SAP30BP: variants seen among roughly 807,000 people sequenced by gnomAD.
The protein encoded by SAP30BP is SAP30-binding protein.
SAP30BP carries 31 observed loss-of-function variants against 46.3 expected under a neutral mutation model. That is an observed-to-expected ratio of 0.67 (90% CI 0.50 to 0.90). The LOEUF (loss-of-function observed/expected upper bound fraction) is 0.90. SAP30BP is among the 40% of genes least tolerant of loss of function. The pLI, the probability that SAP30BP is intolerant of heterozygous loss-of-function variation, is 0.00. For synonymous variants in SAP30BP, 169 were observed against 144.2 expected (o/e 1.17, Z -1.23); for missense variants, 312 against 391.0 (o/e 0.80, Z 1.70).
At chr17:75,698,989 C>G (rs1263473402) in intron 4 of SAP30BP, among the ~76,000 whole-genome samples, 1 of 152,112 alleles carries the variant, frequency 6.6e-6, no homozygotes, top group South Asian at 2.1e-4. Flanking sequence ...TCCAACAGTT[C>G]AAGACCAGCC....
In SAP30BP at chr17:75,704,560, A is replaced by C. The variant is rs1305585979; in HGVS notation, c.602-196A>C. 2.6e-5 allele frequency among the ~76,000 whole-genome samples: 4 copies of C among 152,314 alleles called. No homozygotes were observed. In the East Asian group the frequency reaches 7.7e-4, roughly 29 times the overall value. Reference sequence around the variant, plus strand: ...TGACCCTTCCGGGCACACACAGGGCATGCAGCCCGCCAGTCTGGAGCTGAA... The same window carrying C: ...TGACCCTTCCGGGCACACACAGGGCCTGCAGCCCGCCAGTCTGGAGCTGAA... On this transcript the variant is annotated intron_variant, in intron 8 of 10. Transcript: ENST00000584667.
chr17:75,682,548 CAT>C (rs1434994803), intron 3 of SAP30BP, among the ~76,000 whole-genome samples: 4 of 152,128 alleles, frequency 2.6e-5, no homozygotes, highest in Admixed American at 1.3e-4. Flanking sequence ...CCTATAATAA[CAT>C]ATGTTTTGCA....
intron 4 of SAP30BP, among the ~76,000 whole-genome samples, chr17:75,697,499 G>C (rs1192672498): frequency 6.6e-6 from 1 of 152,212 alleles, no homozygotes; most frequent in East Asian, 1.9e-4. Context: ...GCAAAGAGAA[G>C]CACCTCGTCT....
At chr17:75,675,562 A>G (rs565163004) in intron 3 of SAP30BP, among the ~76,000 whole-genome samples, 7 of 152,258 alleles carry the variant, frequency 4.6e-5, no homozygotes, top group South Asian at 4.1e-4. Flanking sequence ...GGTTTTATCT[A>G]TTGATGTTTA....
chr17:75,697,760 T>G (rs2060344904), intron 4 of SAP30BP, among the ~76,000 whole-genome samples: 2 of 152,244 alleles, frequency 1.3e-5, no homozygotes, highest in African/African-American at 4.8e-5. Flanking sequence ...GCAGCTGGAC[T>G]GGCAGAGTCT....
At chr17:75,691,655 G>T (rs553433448) in intron 3 of SAP30BP, 1 of 368,246 alleles carries the variant, frequency 2.7e-6, no homozygotes, top group Non-Finnish European at 5.3e-6. Flanking sequence ...CATGAGAAGG[G>T]GTGGGTGTGG....
At chr17:75,679,595 T>C (rs1297450537) in intron 3 of SAP30BP, 2 of 152,164 alleles carry the variant, frequency 1.3e-5, no homozygotes, top group Non-Finnish European at 2.9e-5. Flanking sequence ...CTTGGTCCTG[T>C]CCTTTAGGTT....
intron 8 of SAP30BP, among the ~76,000 whole-genome samples, chr17:75,704,461 T>C (rs974789768): frequency 6.6e-6 from 1 of 152,216 alleles, no homozygotes; most frequent in East Asian, 1.9e-4. Context: ...CCAGCTTCTC[T>C]CCATCAGTAG....
intron 4 of SAP30BP, among the ~76,000 whole-genome samples, chr17:75,693,844 A>G (rs891992396): frequency 3.3e-5 from 5 of 152,084 alleles, no homozygotes; most frequent in Non-Finnish European, 5.9e-5. Flanking sequence ...TGGCATATGC[A>G]TGCTGCTCAG....
chr17:75,699,394 G>T (rs1324637105), intron 4 of SAP30BP, among the ~76,000 whole-genome samples: 2 of 151,820 alleles, frequency 1.3e-5, no homozygotes, highest in Non-Finnish European at 2.9e-5. Flanking sequence ...GTTTCGCCAT[G>T]TTGGCCAAGC....
intron 3 of SAP30BP, among the ~76,000 whole-genome samples, chr17:75,682,545 TAAC>T (rs1392007823): frequency 6.6e-6 from 1 of 152,202 alleles, no homozygotes; most frequent in African/African-American, 2.4e-5. Flanking sequence ...TTGCCTATAA[TAAC>T]ATATGTTTTG....
chr17:75,682,511 G>C (rs2060092539), intron 3 of SAP30BP, among the ~76,000 whole-genome samples: 1 of 152,018 alleles, frequency 6.6e-6, no homozygotes, highest in African/African-American at 2.4e-5. Flanking sequence ...GCCTCATACA[G>C]CCATTTTTAT....
intron 3 of SAP30BP, among the ~76,000 whole-genome samples, chr17:75,688,133 C>T (rs1043352232): frequency 1.3e-5 from 2 of 152,084 alleles, no homozygotes; most frequent in Admixed American, 1.3e-4. Context: ...GCTTTCTAGG[C>T]AGGAGTGGGG....
At position 75,704,608 on chromosome 17, in the gene SAP30BP, AG is replaced by A. The variant is rs1203032203; in HGVS notation, c.602-145del. 11 of 688,510 alleles carry A rather than the reference AG, an allele frequency of 1.6e-5. No individual in the cohort carries two copies. In the Admixed American group the frequency reaches 2.3e-4, roughly 14 times the overall value. 42.7% of individuals were successfully genotyped at this position (688,510 alleles called of 1,614,324 possible). On this transcript the variant is annotated intron_variant, in intron 8 of 10. Transcript: ENST00000584667. ...GAAGGCCCCTGCCCTATGCCGACCA[AG>A]GGCTGGCTTCATTTTGCCAAGCACA...
At chr17:75,669,673 G>C (rs559724763) in intron 2 of SAP30BP, among the ~76,000 whole-genome samples, 3 of 152,194 alleles carry the variant, frequency 2.0e-5, no homozygotes, top group African/African-American at 7.2e-5. Flanking sequence ...TTACAGGTAT[G>C]AGCCACCATC....
intron 5 of SAP30BP, among the ~76,000 whole-genome samples, chr17:75,701,478 C>T (rs1478349195): frequency 6.6e-6 from 1 of 152,196 alleles, no homozygotes; most frequent in African/African-American, 2.4e-5. Context: ...GCACTGGCCA[C>T]AGTAGGTAAG....
chr17:75,668,431 A>C, intron 1 of SAP30BP, 85 bp from the exon 2 acceptor site: 1 of 814,906 alleles, frequency 1.2e-6, no homozygotes, highest in Admixed American at 3.3e-5. Context: ...TGGCCACTCA[A>C]ATCTCTGGAC....
chr17:75,702,576 G>C lies in SAP30BP; in HGVS notation c.488+5G>C. 7.1e-7 allele frequency: 1 copy of C among 1,410,052 alleles called. No homozygotes were observed. Among genetic ancestry groups the C allele is most frequent in the Non-Finnish European group, 1.0e-6 (1 of 998,142 alleles). 87.3% of individuals were successfully genotyped at this position (1,410,052 alleles called of 1,614,324 possible). A position where few individuals can be genotyped will look rare whatever the true frequency, so the allele number is the denominator to read the frequency against. The stretch of plus-strand genomic sequence containing the variant: ...GAAAGAATTTCGGAACCCTAGGTAA[G>C]TTTCCCTTGAGCCTGCAGAGTTTAT... On this transcript the variant is annotated splice_donor_5th_base_variant and intron_variant, in intron 6 of 10. Coordinates refer to ENST00000584667, the MANE Select transcript of SAP30BP (RefSeq NM_013260.8).
At chr17:75,690,333 G>C (rs1414381369) in intron 3 of SAP30BP, among the ~76,000 whole-genome samples, 1 of 152,062 alleles carries the variant, frequency 6.6e-6, no homozygotes, top group East Asian at 1.9e-4. Flanking sequence ...TTTGAATAGA[G>C]GTCACTTTTA....
Sources: allele counts gnomAD v4.1 joint callset (sites outside exome capture counted in the v4.1 genomes callset), GRCh38; gene constraint gnomAD v4.1.1; transcripts MANE v1.5; gene names NCBI Gene and HGNC (gene_info 2026-07-23, HGNC 2026-07-21).